ZFAND3: variants seen among roughly 807,000 people sequenced by gnomAD.
ZFAND3 encodes zinc finger AN1-type containing 3.
ZFAND3 carries 10 observed loss-of-function variants against 29.6 expected under a neutral mutation model. The observed-to-expected ratio is 0.34, with a 90% CI of 0.21 to 0.57. ZFAND3 has a LOEUF of 0.57. Among genes scored for constraint, ZFAND3 ranks in the 20% least tolerant of loss-of-function variants. The probability of loss-of-function intolerance (pLI) is 0.86; values close to 1 mark genes in which losing one functional copy is unlikely to be tolerated. For missense variants in ZFAND3, 230 were observed against 304.5 expected, an observed-to-expected ratio of 0.76 and a Z score of 1.82; for synonymous variants, 128 against 112.6, an observed-to-expected ratio of 1.14 and a Z score of -0.87.
chr6:37,874,167 T>A (rs760497312), intron 1 of ZFAND3, among the ~76,000 whole-genome samples: 11 of 152,300 alleles, frequency 7.2e-5, no homozygotes, highest in Admixed American at 3.3e-4. Flanking sequence ...ATGGCCATCT[T>A]CTCCCTGTGT....
rs1762715854 is a variant in ZFAND3 at position 37,989,010 on chromosome 6, TCTC to T, written c.112+59016_112+59018del. ...ATTTCCACTCCCGGTTTCAAGCAAT[TCTC>T]CTCCCTCAGCCTTCCCAGTAGTAGC... is the stretch of plus-strand genomic sequence containing the variant. On this transcript the variant is annotated intron_variant, in intron 2 of 5. Coordinates refer to ENST00000287218, the MANE Select transcript of ZFAND3 (RefSeq NM_021943.3). 2.6e-5 allele frequency among the ~76,000 whole-genome samples: 4 copies of T among 152,212 alleles called. No individual in the cohort carries two copies. The South Asian group carries it at 6.2e-4, about 24-fold the overall frequency.
chr6:37,896,522 C>CTTTCTTTCT (rs1765210288), intron 1 of ZFAND3, among the ~76,000 whole-genome samples: 1 of 105,336 alleles, frequency 9.5e-6, no homozygotes, highest in Non-Finnish European at 1.8e-5. Context: ...TCTTTTCTTT[C>CTTTCTTTCT]TTTCTTTCTT....
chr6:38,150,751 C>G (rs1483964149), intron 5 of ZFAND3, among the ~76,000 whole-genome samples: 1 of 151,516 alleles, frequency 6.6e-6, no homozygotes, highest in Non-Finnish European at 1.5e-5. Context: ...TTCTTTATGG[C>G]CTGGATGAGG....
At chr6:38,051,177 C>T (rs1158920649) in intron 2 of ZFAND3, among the ~76,000 whole-genome samples, 1 of 152,054 alleles carries the variant, frequency 6.6e-6, no homozygotes, top group Non-Finnish European at 1.5e-5. Context: ...TAGGCTTTTC[C>T]CAGTCCCACC....
chr6:37,956,731 A>G (rs1388973961), intron 2 of ZFAND3, among the ~76,000 whole-genome samples: 1 of 152,188 alleles, frequency 6.6e-6, no homozygotes, highest in African/African-American at 2.4e-5. Flanking sequence ...TTTTGCATAT[A>G]TTTCTAAGGA....
chr6:38,071,354 A>G (rs1335392313), intron 3 of ZFAND3, among the ~76,000 whole-genome samples: 2 of 151,998 alleles, frequency 1.3e-5, no homozygotes, highest in African/African-American at 4.8e-5. Flanking sequence ...ATCTTTTTCT[A>G]TCGTTAGCTC....
intron 1 of ZFAND3, among the ~76,000 whole-genome samples, chr6:37,911,534 A>G (rs537782210): frequency 6.6e-6 from 1 of 152,224 alleles, no homozygotes; most frequent in African/African-American, 2.4e-5. Context: ...TTCTTTGTAT[A>G]ATCTTTCCAG....
intron 2 of ZFAND3, among the ~76,000 whole-genome samples, chr6:37,937,776 C>T (rs1761730489): frequency 6.7e-6 from 1 of 149,474 alleles, no homozygotes; most frequent in Admixed American, 6.7e-5. Flanking sequence ...TCTTTGATTT[C>T]TTCTAAGCCA....
rs527642632 is a variant in ZFAND3, at chr6:38,109,348, T to G, written c.362-7224T>G. Among the ~76,000 whole-genome samples the G allele has an allele frequency of 1.9e-4, 29 of 152,046 alleles. No homozygotes were observed. The South Asian group carries it at 5.2e-3, about 27-fold the overall frequency. Reference sequence around the variant, plus strand: ...CAGGTGTGCGCCACTACCAGCTGATTTTTGTATTTTTAGTAGAGACAGAGT... The same window carrying G: ...CAGGTGTGCGCCACTACCAGCTGATGTTTGTATTTTTAGTAGAGACAGAGT... On this transcript the variant is annotated intron_variant, in intron 4 of 5. Transcript: ENST00000287218.
intron 4 of ZFAND3, among the ~76,000 whole-genome samples, chr6:38,100,893 TTA>T (rs1765079905): frequency 6.6e-6 from 1 of 152,358 alleles, no homozygotes; most frequent in Admixed American, 6.5e-5. Context: ...TGCATGTGTA[TTA>T]TATCCATATC....
intron 1 of ZFAND3, among the ~76,000 whole-genome samples, chr6:37,873,982 G>C (rs1764746873): frequency 6.6e-6 from 1 of 152,044 alleles, no homozygotes; most frequent in Non-Finnish European, 1.5e-5. Flanking sequence ...GTATTCATCT[G>C]CCAGGGCTAC....
intron 5 of ZFAND3, among the ~76,000 whole-genome samples, chr6:38,119,105 C>T (rs1562006241): frequency 6.6e-6 from 1 of 152,200 alleles, no homozygotes; most frequent in Admixed American, 6.5e-5. Context: ...GAGAGCATTA[C>T]ACTTATGTGC....
intron 2 of ZFAND3, among the ~76,000 whole-genome samples, chr6:37,968,098 G>A (rs1762323417): frequency 6.6e-6 from 1 of 152,070 alleles, no homozygotes; most frequent in African/African-American, 2.4e-5. Context: ...ATCATCCTGG[G>A]TCAATAATTT....
At chr6:37,843,624 A>G (rs1685220024) in intron 1 of ZFAND3, among the ~76,000 whole-genome samples, 1 of 152,198 alleles carries the variant, frequency 6.6e-6, no homozygotes, top group South Asian at 2.1e-4. Context: ...TGCGGTCCAC[A>G]TTATTCCTGT....
chr6:38,148,837 G>A (rs1766163141), intron 5 of ZFAND3, among the ~76,000 whole-genome samples: 1 of 152,122 alleles, frequency 6.6e-6, no homozygotes. Context: ...CAGCATTTGG[G>A]ACAAGTTCCA....
intron 1 of ZFAND3, among the ~76,000 whole-genome samples, chr6:37,863,508 T>C (rs1222316295): frequency 6.6e-6 from 1 of 152,178 alleles, no homozygotes; most frequent in African/African-American, 2.4e-5. Context: ...CAAATGACAA[T>C]AAAGACACAC....
chr6:37,834,300 T>C (rs1763922821), intron 1 of ZFAND3, among the ~76,000 whole-genome samples: 1 of 152,208 alleles, frequency 6.6e-6, no homozygotes, highest in Admixed American at 6.5e-5. Context: ...GTAATAAGCA[T>C]TTAAGTTCCT....
chr6:38,019,647 C>T lies in ZFAND3; in HGVS notation c.113-41946C>T, dbSNP rs114234635. Among the ~76,000 whole-genome samples the T allele has an allele frequency of 1.9e-3, 282 of 152,146 alleles. 1 individual carries two copies. The highest frequency in any genetic ancestry group is 6.5e-3 in the African/African-American group (268 of 41,520). ...TTTATGTTTTCTTTAAATGCTTCTT[C>T]GGTTTGCTTTTTATAGTTAACTAGG... On this transcript the variant is annotated intron_variant, in intron 2 of 5. Coordinates refer to ENST00000287218, the MANE Select transcript of ZFAND3 (RefSeq NM_021943.3).
chr6:38,077,674 A>C lies in ZFAND3; in HGVS notation c.296-4718A>C, dbSNP rs141460911. ...AACTGCAGCAAGTGAGGGCTAGTGG[A>C]ACCAGAAGCCAAAAATAACCAGTCG... On this transcript the variant is annotated intron_variant, in intron 3 of 5. Coordinates refer to ENST00000287218, the MANE Select transcript of ZFAND3 (RefSeq NM_021943.3). Among the ~76,000 whole-genome samples, 264 of 152,322 alleles carry C rather than the reference A, an allele frequency of 1.7e-3. 1 individual carries two copies. Among genetic ancestry groups the C allele is most frequent in the African/African-American group, 6.0e-3 (250 of 41,572 alleles).
Sources: allele counts gnomAD v4.1 joint callset (sites outside exome capture counted in the v4.1 genomes callset), GRCh38; gene constraint gnomAD v4.1.1; transcripts MANE v1.5; gene names NCBI Gene and HGNC (gene_info 2026-07-23, HGNC 2026-07-21).